Variants in SRP72 observed in about 807,000 individuals in gnomAD.
SRP72 encodes signal recognition particle 72, also known as signal recognition particle subunit SRP72.
In SRP72, 49 loss-of-function variants were observed where a neutral mutation model predicts 96.3. The observed-to-expected ratio is 0.51, with a 90% CI of 0.40 to 0.65. The LOEUF (loss-of-function observed/expected upper bound fraction) is 0.65, where lower values mean the gene tolerates loss of function less well. Ranked by LOEUF, SRP72 falls within the 30% of genes least tolerant of loss-of-function variation. The pLI is 0.00. For synonymous variants in SRP72, 267 were observed against 275.2 expected (o/e 0.97, Z 0.30); for missense variants, 736 against 793.3 (o/e 0.93, Z 0.87).
intron 5 of SRP72, chr4:56,476,014 A>G (rs973632831): frequency 1.3e-5 from 2 of 152,512 alleles, no homozygotes; most frequent in East Asian, 3.8e-4. Flanking sequence ...AGTAATGTAG[A>G]TCTATGTTTA....
chr4:56,483,113 A>T (rs1214969667), intron 8 of SRP72, 26 bp from the exon 9 acceptor site: 1 of 1,598,456 alleles, frequency 6.3e-7, no homozygotes, highest in Admixed American at 1.7e-5. Context: ...GATTCTGTTA[A>T]TGATAGATAA....
At chr4:56,497,454 C>T (rs1332835305) in intron 17 of SRP72, among the ~76,000 whole-genome samples, 1 of 151,958 alleles carries the variant, frequency 6.6e-6, no homozygotes, top group Non-Finnish European at 1.5e-5. Flanking sequence ...CTCCTCACCT[C>T]GTGATCTGCC....
intron 16 of SRP72, 86 bp from the exon 17 acceptor site, chr4:56,495,271 C>T: frequency 1.2e-6 from 1 of 814,398 alleles, no homozygotes; most frequent in Non-Finnish European, 1.9e-6. Context: ...ATGATAAGTG[C>T]CCAACTAACT....
intron 5 of SRP72, 49 bp downstream of exon 5, chr4:56,474,440 T>C (rs1210354687): frequency 2.7e-6 from 4 of 1,476,566 alleles, no homozygotes; most frequent in Middle Eastern, 2.3e-4. Flanking sequence ...CATATAACTT[T>C]GTAGAGTATC....
intron 17 of SRP72, among the ~76,000 whole-genome samples, chr4:56,499,154 C>T (rs1404785496): frequency 6.6e-6 from 1 of 151,974 alleles, no homozygotes; most frequent in Admixed American, 6.6e-5. Context: ...CTGACAAAAG[C>T]AATGGGGAAA....
intron 17 of SRP72, among the ~76,000 whole-genome samples, chr4:56,497,979 G>C (rs1272796704): frequency 2.6e-5 from 4 of 152,018 alleles, no homozygotes; most frequent in Admixed American, 2.6e-4. Flanking sequence ...TTATAACTGA[G>C]TCCATTTTTC....
intron 16 of SRP72, chr4:56,491,824 A>G (rs981977131): frequency 1.1e-4 from 32 of 294,982 alleles, no homozygotes; most frequent in African/African-American, 6.6e-4. Context: ...GTTTACAAAT[A>G]TTTTCTTTAA....
intron 8 of SRP72, among the ~76,000 whole-genome samples, 177 bp downstream of exon 8, chr4:56,478,826 A>G (rs1311572214): frequency 6.6e-6 from 1 of 152,214 alleles, no homozygotes; most frequent in African/African-American, 2.4e-5. Context: ...TGATGCTGCA[A>G]GGTATACTCA....
intron 1 of SRP72, among the ~76,000 whole-genome samples, chr4:56,468,170 T>C (rs938609826): frequency 2.0e-5 from 3 of 152,166 alleles, no homozygotes; most frequent in Admixed American, 2.0e-4. Flanking sequence ...CTTTGGCCGC[T>C]AAAGGGGGAG....
intron 3 of SRP72, among the ~76,000 whole-genome samples, chr4:56,473,517 C>T (rs186048653): frequency 3.9e-4 from 59 of 151,218 alleles, no homozygotes; most frequent in African/African-American, 1.4e-3. Context: ...GCCTGTAATC[C>T]CAGCACTTTG....
chr4:56,486,311 C>G lies in SRP72; in HGVS notation c.1087-14C>G. The stretch of plus-strand genomic sequence containing the variant: ...TTAAATGTGATTTTTTTCCCCCAAA[C>G]TAAAAAAATTTAGGAATTTTCAGAT... On this transcript the variant is annotated splice_polypyrimidine_tract_variant and intron_variant, in intron 10 of 18. Transcript: ENST00000642900. The G allele has an allele frequency of 6.3e-7, 1 of 1,586,642 alleles. No homozygotes were observed. The highest frequency in any genetic ancestry group is 8.6e-7 in the Non-Finnish European group (1 of 1,163,480).
Position 56,491,428 on chromosome 4 carries a change from C to T in SRP72, c.1503-3C>T, listed in dbSNP as rs747612680. On this transcript the variant is annotated splice_polypyrimidine_tract_variant and splice_region_variant and intron_variant, in intron 15 of 18. Coordinates refer to ENST00000642900, the MANE Select transcript of SRP72 (RefSeq NM_006947.4). ...ATGTTCCTGAACTCCTGTTCTATCA[C>T]AGTCTTAGTAAACACTTGCCATCGT... 2.5e-6 allele frequency: 4 copies of T among 1,612,970 alleles called. No homozygotes were observed. Among genetic ancestry groups the T allele is most frequent in the Non-Finnish European group, 3.4e-6 (4 of 1,179,582 alleles).
At chr4:56,492,080 C>T (rs969336612) in intron 16 of SRP72, among the ~76,000 whole-genome samples, 3 of 152,226 alleles carry the variant, frequency 2.0e-5, no homozygotes, top group Non-Finnish European at 4.4e-5. Context: ...CTCAAGTGAT[C>T]TGCCCACCTC....
At chr4:56,485,408 A>C (rs1720668390) in intron 10 of SRP72, among the ~76,000 whole-genome samples, 1 of 151,926 alleles carries the variant, frequency 6.6e-6, no homozygotes, top group African/African-American at 2.4e-5. Context: ...AGCAAAAAAA[A>C]AAAAAAAAAA....
intron 6 of SRP72, among the ~76,000 whole-genome samples, chr4:56,477,485 C>T (rs115800772): frequency 5.3e-5 from 8 of 151,484 alleles, no homozygotes; most frequent in South Asian, 2.1e-4. Context: ...ATGGGGGTCT[C>T]GCTGTGTTGA....
intron 13 of SRP72, 74 bp downstream of exon 13, chr4:56,489,557 AG>A (rs1720835644): frequency 1.2e-6 from 1 of 837,740 alleles, no homozygotes; most frequent in Non-Finnish European, 1.9e-6. Flanking sequence ...GAAAAAATTC[AG>A]GCAAACAAGT....
intron 8 of SRP72, among the ~76,000 whole-genome samples, chr4:56,480,352 C>T (rs548466146): frequency 1.4e-4 from 21 of 152,122 alleles, no homozygotes; most frequent in Admixed American, 2.6e-4. Flanking sequence ...CTCCACCTCC[C>T]GGGTTCAAGT....
At chr4:56,468,636 A>G (rs1232347766) in intron 1 of SRP72, among the ~76,000 whole-genome samples, 1 of 152,128 alleles carries the variant, frequency 6.6e-6, no homozygotes, top group Admixed American at 6.5e-5. Flanking sequence ...ATGCAAAGCT[A>G]TCTAAGTAAT....
chr4:56,497,365 G>A (rs1172758139), intron 17 of SRP72, among the ~76,000 whole-genome samples: 2 of 151,442 alleles, frequency 1.3e-5, no homozygotes, highest in South Asian at 2.1e-4. Flanking sequence ...GACTGCAGGC[G>A]TACCCCACCA....
Sources: gnomAD v4.1 joint callset for allele counts (sites outside exome capture counted in the v4.1 genomes callset) on GRCh38, gnomAD v4.1.1 for gene constraint, MANE v1.5 for transcripts, NCBI Gene and HGNC (gene_info 2026-07-23, HGNC 2026-07-21) for gene names.